Variants in FAT3 observed in about 807,000 individuals in gnomAD.
FAT3 encodes the protein FAT atypical cadherin 3.
Under a neutral mutation model 310.2 loss-of-function variants are expected in FAT3, and 95 were observed. The observed-to-expected ratio is 0.31, with a 90% confidence interval of 0.26 to 0.36. The LOEUF is 0.36. FAT3 is among the 10% of genes least tolerant of loss of function. The pLI is 1.00. For missense variants in FAT3, 5,408 were observed against 5,715.6 expected (o/e 0.95, Z 1.74); for synonymous variants, 2,314 against 2,192.9 (o/e 1.06, Z -1.54).
At chr11:92,693,863 G>A (rs1029406709) in intron 3 of FAT3, among the ~76,000 whole-genome samples, 1 of 152,158 alleles carries the variant, frequency 6.6e-6, no homozygotes, top group African/African-American at 2.4e-5. Flanking sequence ...AGATTCCCAT[G>A]GACAAGCCCA....
intron 25 of FAT3, 34 bp from the exon 26 acceptor site, chr11:92,889,155 T>C: frequency 1.4e-6 from 1 of 700,990 alleles, no homozygotes; most frequent in African/African-American, 1.8e-5. Flanking sequence ...AAGCTGTCCT[T>C]CCCCTACCTC....
intron 2 of FAT3, among the ~76,000 whole-genome samples, chr11:92,518,518 G>T (rs1953570786): frequency 6.6e-6 from 1 of 152,040 alleles, no homozygotes; most frequent in African/African-American, 2.4e-5. Context: ...TCAAGGAGTG[G>T]GGGGCTAGGG....
intron 1 of FAT3, among the ~76,000 whole-genome samples, chr11:92,242,397 AG>A (rs1365006926): frequency 2.0e-5 from 3 of 152,016 alleles, no homozygotes; most frequent in Non-Finnish European, 2.9e-5. Context: ...TGGTTAAAAT[AG>A]GGGAAAAATA....
intron 6 of FAT3, among the ~76,000 whole-genome samples, chr11:92,772,608 C>G (rs947165276): frequency 1.3e-5 from 2 of 152,038 alleles, no homozygotes; most frequent in Non-Finnish European, 2.9e-5. Flanking sequence ...AGATGAGTCT[C>G]TTTTTAGATG....
chr11:92,384,273 C>T (rs1949568276), intron 2 of FAT3, among the ~76,000 whole-genome samples: 1 of 152,184 alleles, frequency 6.6e-6, no homozygotes, highest in African/African-American at 2.4e-5. Flanking sequence ...ACCACCCTCA[C>T]TACTGCTAAG....
In FAT3 at chr11:92,541,813, C is replaced by T. The variant is rs754491061; in HGVS notation, c.3607+16865C>T. Among the ~76,000 whole-genome samples, 9 of 151,948 alleles carry T rather than the reference C, an allele frequency of 5.9e-5. No individual in the cohort carries two copies. The South Asian group carries it at 6.2e-4, about 11-fold the overall frequency. ...AGCAGGTAATTATTTGGAAAATGCCCGTTACTTTTATAAATAGGAGAAATA... is the reference window on the plus strand; with the variant it reads ...AGCAGGTAATTATTTGGAAAATGCCTGTTACTTTTATAAATAGGAGAAATA... On this transcript the variant is annotated intron_variant, in intron 3 of 27. Coordinates refer to ENST00000525166, the MANE Select transcript of FAT3 (RefSeq NM_001367949.2).
intron 2 of FAT3, among the ~76,000 whole-genome samples, chr11:92,478,948 C>CTTTCTTTCCTTTTCTTTTCT (rs1555058204): frequency 8.7e-6 from 1 of 114,464 alleles, no homozygotes. Context: ...TTCTTTCTTT[C>CTTTCTTTCCTTTTCTTTTCT]TTTCTTTTCT....
chr11:92,362,456 C>G (rs1485932623), intron 2 of FAT3, among the ~76,000 whole-genome samples: 7 of 152,166 alleles, frequency 4.6e-5, no homozygotes, highest in Non-Finnish European at 5.9e-5. Context: ...CTTTTGCTGT[C>G]TGACATCTCT....
At chr11:92,393,316 G>C (rs1949790915) in intron 2 of FAT3, among the ~76,000 whole-genome samples, 1 of 152,214 alleles carries the variant, frequency 6.6e-6, no homozygotes, top group African/African-American at 2.4e-5. Flanking sequence ...TTTGCCACCA[G>C]CCTCTCTTTG....
chr11:92,655,044 T>G (rs1591570671), intron 3 of FAT3, among the ~76,000 whole-genome samples: 1 of 152,300 alleles, frequency 6.6e-6, no homozygotes, highest in East Asian at 1.9e-4. Flanking sequence ...AGGTTATTGC[T>G]TTCTGATAAT....
chr11:92,495,145 G>A (rs1952716302), intron 2 of FAT3, among the ~76,000 whole-genome samples: 1 of 151,960 alleles, frequency 6.6e-6, no homozygotes, highest in Non-Finnish European at 1.5e-5. Flanking sequence ...TATTTGCCTA[G>A]CAAATTATAC....
intron 24 of FAT3, among the ~76,000 whole-genome samples, chr11:92,885,508 G>C (rs956219483): frequency 4.6e-5 from 7 of 152,156 alleles, no homozygotes; most frequent in Non-Finnish European, 8.8e-5. Flanking sequence ...TTCTATTCTA[G>C]TGCTGCCCCA....
At position 92,524,770 on chromosome 11, in the gene FAT3, C is replaced by T. The variant is rs1953798176; in HGVS notation, c.3429C>T (p.Asp1143=). 1 of 1,613,664 alleles carries T rather than the reference C, an allele frequency of 6.2e-7. No individual in the cohort carries two copies. Among genetic ancestry groups the T allele is most frequent in the African/African-American group, 1.3e-5 (1 of 74,896 alleles). Residue 1143 remains aspartate (D), a synonymous_variant, in exon 3 of 28, where the codon GAC becomes GAT. Coordinates refer to ENST00000525166, the MANE Select transcript of FAT3 (RefSeq NM_001367949.2). ...ACATTGAAGTTGAAGATGTGAATGA[C>T]AATGCCCCGCTGACCTCAGAACCTA... ...EVYIEVEDVN[D]NAPLTSEPIY...
intron 3 of FAT3, among the ~76,000 whole-genome samples, chr11:92,637,925 C>T (rs754550581): frequency 8.4e-4 from 128 of 152,164 alleles, no homozygotes; most frequent in Non-Finnish European, 6.5e-4. Flanking sequence ...CAGCAAAAGC[C>T]GCATGCTGTT....
chr11:92,378,942 A>G (rs904857497), intron 2 of FAT3, among the ~76,000 whole-genome samples: 1 of 152,156 alleles, frequency 6.6e-6, no homozygotes, highest in Admixed American at 6.5e-5. Context: ...CCTGTGATCT[A>G]ATCACTTTCC....
chr11:92,634,813 G>A (rs1941696102), intron 3 of FAT3, among the ~76,000 whole-genome samples: 1 of 152,200 alleles, frequency 6.6e-6, no homozygotes, highest in Non-Finnish European at 1.5e-5. Context: ...CAGTGTGGCT[G>A]TATTTGGAGA....
intron 2 of FAT3, among the ~76,000 whole-genome samples, chr11:92,505,735 A>T (rs1953079882): frequency 6.6e-6 from 1 of 152,120 alleles, no homozygotes; most frequent in Non-Finnish European, 1.5e-5. Flanking sequence ...TTGTTAATAG[A>T]TGTGATAAAT....
At chr11:92,530,580 T>G (rs1954032574) in intron 3 of FAT3, among the ~76,000 whole-genome samples, 2 of 149,142 alleles carry the variant, frequency 1.3e-5, no homozygotes, top group Admixed American at 6.6e-5. Flanking sequence ...TTCCTAAGAC[T>G]TGTAGTTAAT....
chr11:92,611,256 T>A (rs989135780), intron 3 of FAT3, among the ~76,000 whole-genome samples: 2 of 152,118 alleles, frequency 1.3e-5, no homozygotes, highest in African/African-American at 4.8e-5. Flanking sequence ...CCTGAGTACC[T>A]GGGACTGCAC....
Sources: allele counts gnomAD v4.1 joint callset (sites outside exome capture counted in the v4.1 genomes callset), GRCh38; gene constraint gnomAD v4.1.1; transcripts MANE v1.5; gene names NCBI Gene and HGNC (gene_info 2026-07-23, HGNC 2026-07-21).